The following STXBP2 variants were observed in gnomAD, a reference collection of about 807,000 sequenced individuals.
STXBP2 encodes the protein syntaxin-binding protein 2.
In STXBP2, 47 loss-of-function variants were observed where a neutral mutation model predicts 72.2. The observed-to-expected ratio is 0.65, with a 90% CI of 0.51 to 0.83. The LOEUF is 0.83. Ranked by LOEUF, STXBP2 falls within the 40% of genes least tolerant of loss-of-function variation. STXBP2 has a pLI of 0.00. For synonymous variants in STXBP2, 367 were observed against 338.7 expected (o/e 1.08, Z -0.92); for missense variants, 702 against 807.6 (o/e 0.87, Z 1.58).
chr19:7,631,398 G>C, the STXBP2 span: 1 of 1,177,192 alleles, frequency 8.5e-7, no homozygotes. Context: ...GGAGAGGTGG[G>C]CGGGGGGGGG....
intron 13 of STXBP2, among the ~76,000 whole-genome samples, chr19:7,644,017 G>A (rs79760006): frequency 0.058 from 4,506 of 77,302 alleles, 300 homozygotes; most frequent in African/African-American, 0.088. Flanking sequence ...GTGGAACCTC[G>A]GAGAGGTGGG....
rs1222830918 is a variant in STXBP2, at chr19:7,642,330, A to G, written c.791A>G (p.Tyr264Cys). The change falls in exon 9 of 19, where the codon TAC (tyrosine) becomes TGC (cysteine). Residue 264 changes from tyrosine (Y) to cysteine (C), a missense_variant. Physicochemically the swap from Tyr to Cys is radical, Grantham distance 194 (BLOSUM62 -2). Coordinates refer to ENST00000221283, the MANE Select transcript of STXBP2 (RefSeq NM_006949.4). The surrounding 1 kb of genome is among the most constrained non-coding windows in gnomAD (Gnocchi z 6.0). ...YDLLDIEQDT[Y>C]RYETTGLSEA... Reference sequence around the variant, plus strand: ...CTGCTGGACATAGAGCAGGACACATACAGGTCTGCAGACTTGGAACCCGTC... The same window carrying G: ...CTGCTGGACATAGAGCAGGACACATGCAGGTCTGCAGACTTGGAACCCGTC... 3 of 1,613,788 alleles carry G rather than the reference A, an allele frequency of 1.9e-6. No individual in the cohort carries two copies. The highest frequency in any genetic ancestry group is 2.5e-6 in the Non-Finnish European group (3 of 1,179,728).
chr19:7,640,517 T>C (rs1019891942), intron 4 of STXBP2: 5 of 696,750 alleles, frequency 7.2e-6, no homozygotes, highest in African/African-American at 1.8e-5. Flanking sequence ...TGTGTGCATG[T>C]GTGCATGCGT....
chr19:7,641,113 C>A, intron 6 of STXBP2, 110 bp downstream of exon 6: 2 of 1,192,332 alleles, frequency 1.7e-6, no homozygotes, highest in South Asian at 1.3e-5. Context: ...ACCTGTAATC[C>A]CAGCGCTGTG....
chr19:7,634,452 T>A (rs1399446728), upstream of STXBP2, among the ~76,000 whole-genome samples: 2 of 152,222 alleles, frequency 1.3e-5, no homozygotes, highest in East Asian at 3.8e-4. Context: ...AGTGTCCCCC[T>A]CCTCAGTACG....
chr19:7,638,808 G>A (rs878884374), intron 2 of STXBP2, 33 bp downstream of exon 2: 2 of 1,613,930 alleles, frequency 1.2e-6, no homozygotes, highest in Non-Finnish European at 1.7e-6. Context: ...GGTACCCAGA[G>A]GCAGCTCATC....
chr19:7,637,132 C>T lies in STXBP2; in HGVS notation c.-18C>T, dbSNP rs995861411. On this transcript the variant is annotated 5_prime_UTR_variant, in exon 1 of 19. Coordinates refer to ENST00000221283, the MANE Select transcript of STXBP2 (RefSeq NM_006949.4). Reference sequence around the variant, plus strand: ...CTTGGGACACACCCGGAAGCGGCGGCGGCGCCCCTCGGGGAAGATGGCGCC... The same window carrying T: ...CTTGGGACACACCCGGAAGCGGCGGTGGCGCCCCTCGGGGAAGATGGCGCC... 1 of 1,240,206 alleles carries T rather than the reference C, an allele frequency of 8.1e-7. No individual in the cohort carries two copies. The highest frequency in any genetic ancestry group is 4.1e-5 in the South Asian group (1 of 24,656). 76.8% of individuals were successfully genotyped at this position (1,240,206 alleles called of 1,614,324 possible).
At chr19:7,641,256 G>A in intron 6 of STXBP2, 1 of 552,652 alleles carries the variant, frequency 1.8e-6, no homozygotes, top group East Asian at 3.4e-5. Flanking sequence ...TGTAGTCCTA[G>A]CTACTCATGG....
At chr19:7,633,475 A>G, upstream of STXBP2, 1 of 1,569,298 alleles carries the variant, frequency 6.4e-7, no homozygotes, top group Non-Finnish European at 8.7e-7. Context: ...GACTCCAGTC[A>G]CTTTTCTGCT....
upstream of STXBP2, among the ~76,000 whole-genome samples, chr19:7,635,416 A>T (rs1382895184): frequency 2.0e-5 from 3 of 152,208 alleles, no homozygotes; most frequent in Non-Finnish European, 1.5e-5. Flanking sequence ...AGGAAGGGGC[A>T]GGGTGCGGTG....
At chr19:7,639,998 GTCTA>G in intron 4 of STXBP2, 191 bp downstream of exon 4, 3 of 712,554 alleles carry the variant, frequency 4.2e-6, no homozygotes, top group Non-Finnish European at 7.4e-6. Context: ...TTGCATGTGT[GTCTA>G]TGTATGTGTC....
In STXBP2 at chr19:7,642,643, C is replaced by T. The variant is rs1167455436; in HGVS notation, c.902+107C>T. 1 of 1,487,604 alleles carries T rather than the reference C, an allele frequency of 6.7e-7. No homozygotes were observed. Among genetic ancestry groups the T allele is most frequent in the Non-Finnish European group, 9.3e-7 (1 of 1,070,352 alleles). The allele number at this position is 1,487,604 out of a possible 1,614,324, so 92.2% of individuals were successfully genotyped here. The stretch of plus-strand genomic sequence containing the variant: ...AAGTCTTTGGCCCTCATGAGCACCC[C>T]TCGTGTGACTCCAGACTGGCCTCCA... On this transcript the variant is annotated intron_variant, in intron 10 of 18. Coordinates refer to ENST00000221283, the MANE Select transcript of STXBP2 (RefSeq NM_006949.4). The surrounding 1 kb of genome is among the most constrained non-coding windows in gnomAD (Gnocchi z 6.0).
chr19:7,645,419 G>A (rs1200760717), intron 15 of STXBP2, 113 bp downstream of exon 15: 1 of 1,097,234 alleles, frequency 9.1e-7, no homozygotes, highest in East Asian at 2.6e-5. Context: ...CTGGCGTGGT[G>A]TGGTTGCTGG....
intron 14 of STXBP2, chr19:7,644,971 T>C (rs1213049631): frequency 2.1e-6 from 3 of 1,447,406 alleles, no homozygotes; most frequent in Non-Finnish European, 2.7e-6. Context: ...CCCTCACATC[T>C]GTGATTCCTA....
upstream of STXBP2, chr19:7,632,196 G>A (rs2031342316): frequency 4.8e-6 from 4 of 831,542 alleles, no homozygotes; most frequent in East Asian, 2.7e-5. This position sits in a 1 kb window ranked among gnomAD's most constrained non-coding sequence, Gnocchi z 5.2. Context: ...CCAGCCATGG[G>A]TCTTACACTA....
chr19:7,641,092 C>T, intron 6 of STXBP2, 89 bp downstream of exon 6: 1 of 1,382,142 alleles, frequency 7.2e-7, no homozygotes. Flanking sequence ...AGGCTGGGCG[C>T]AGTGGCTCAT....
the STXBP2 span, chr19:7,630,808 G>T: frequency 2.0e-6 from 3 of 1,537,120 alleles, no homozygotes; most frequent in Non-Finnish European, 2.6e-6. Flanking sequence ...TCCCATTTGT[G>T]ACTTTTCCTT....
chr19:7,639,654 AC>A, intron 3 of STXBP2, 76 bp from the exon 4 acceptor site: 1 of 1,414,126 alleles, frequency 7.1e-7, no homozygotes, highest in Non-Finnish European at 9.8e-7. Context: ...CAAGCCTCCA[AC>A]CCCCCACACC....
At chr19:7,640,220 GTC>G (rs1204385349) in intron 4 of STXBP2, 16 of 538,632 alleles carry the variant, frequency 3.0e-5, no homozygotes, top group African/African-American at 1.8e-4. Flanking sequence ...ATGTGTCTGC[GTC>G]TGTGTGTGCG....
Sources: gnomAD v4.1 joint callset for allele counts (sites outside exome capture counted in the v4.1 genomes callset) on GRCh38, gnomAD v4.1.1 for gene constraint, Gnocchi (gnomAD v3.1) non-coding constraint, MANE v1.5 for transcripts, NCBI Gene and HGNC (gene_info 2026-07-23, HGNC 2026-07-21) for gene names.